LOXHD1: variants seen among roughly 807,000 people sequenced by gnomAD.
The protein encoded by LOXHD1 is lipoxygenase homology PLAT domains 1, also known as lipoxygenase homology domain-containing protein 1.
In LOXHD1, 205 loss-of-function variants were observed where a neutral mutation model predicts 248.2. The ratio of observed to expected loss-of-function variants is 0.83; its 90% CI spans 0.74 to 0.93. The LOEUF is 0.93. LOXHD1 is among the 40% of genes least tolerant of loss of function. The probability of loss-of-function intolerance (pLI) is 0.00; values close to 1 mark genes in which losing one functional copy is unlikely to be tolerated. For synonymous variants in LOXHD1, 1,113 were observed against 1,162.8 expected (o/e 0.96, Z 0.87); for missense variants, 2,930 against 2,971.6 (o/e 0.99, Z 0.33).
intron 6 of LOXHD1, among the ~76,000 whole-genome samples, chr18:46,608,713 C>T (rs1036215661): frequency 6.6e-6 from 1 of 152,230 alleles, no homozygotes; most frequent in African/African-American, 2.4e-5. Flanking sequence ...CACTTAGCCT[C>T]CTGGTACCCT....
chr18:46,506,793 C>T (rs986201430), intron 36 of LOXHD1, among the ~76,000 whole-genome samples: 2 of 152,126 alleles, frequency 1.3e-5, no homozygotes, highest in African/African-American at 2.4e-5. Flanking sequence ...TGTAAGCTAC[C>T]ATGGCCAACA....
chr18:46,516,680 T>A (rs1375044261), intron 34 of LOXHD1, among the ~76,000 whole-genome samples: 1 of 151,814 alleles, frequency 6.6e-6, no homozygotes. Flanking sequence ...ACAATTATCA[T>A]CCCTACCATC....
chr18:46,493,593 G>A (rs959258318), intron 37 of LOXHD1, among the ~76,000 whole-genome samples: 4 of 152,192 alleles, frequency 2.6e-5, no homozygotes, highest in African/African-American at 9.7e-5. Context: ...AAGAGTGGAT[G>A]GGAAAAAGAA....
chr18:46,515,846 G>A (rs926871049), intron 34 of LOXHD1, among the ~76,000 whole-genome samples: 8 of 152,274 alleles, frequency 5.3e-5, no homozygotes, highest in African/African-American at 1.4e-4. Flanking sequence ...GAATGGTCAG[G>A]ACTTGGGCAA....
chr18:46,556,313 T>C lies in LOXHD1; in HGVS notation c.3350+1043A>G, dbSNP rs534172224. The stretch of plus-strand genomic sequence containing the variant: ...AAAGAATGTACTAGAAGTTGCTTTA[T>C]ACGTTGAGAGGCTTATGGGTGAGCT... On this transcript the variant is annotated intron_variant, in intron 21 of 40. Transcript: ENST00000642948. Among the ~76,000 whole-genome samples, 4 of 152,226 alleles carry C rather than the reference T, an allele frequency of 2.6e-5. No individual in the cohort carries two copies. The East Asian group carries it at 5.8e-4, about 22-fold the overall frequency.
intron 5 of LOXHD1, among the ~76,000 whole-genome samples, chr18:46,615,431 G>T (rs1026530615): frequency 1.2e-4 from 19 of 152,024 alleles, no homozygotes; most frequent in Non-Finnish European, 1.3e-4. Context: ...TGGTGGTGGT[G>T]GTGATGATGA....
intron 8 of LOXHD1, among the ~76,000 whole-genome samples, chr18:46,597,209 A>G (rs992360948): frequency 6.6e-6 from 1 of 152,228 alleles, no homozygotes; most frequent in African/African-American, 2.4e-5. Context: ...TATCAATTAC[A>G]TTTAGGGTTT....
intron 1 of LOXHD1, among the ~76,000 whole-genome samples, chr18:46,653,197 A>G (rs752651251): frequency 6.6e-5 from 10 of 152,210 alleles, no homozygotes; most frequent in Admixed American, 2.0e-4. Context: ...CAGTGAGGCG[A>G]GATCACGCCA....
intron 7 of LOXHD1, among the ~76,000 whole-genome samples, chr18:46,602,217 T>C (rs980778699): frequency 1.3e-5 from 2 of 152,170 alleles, no homozygotes; most frequent in Non-Finnish European, 2.9e-5. Context: ...TTATTTTTTA[T>C]TTTTTTGAGA....
chr18:46,480,623 C>T (rs999852873), intron 40 of LOXHD1, among the ~76,000 whole-genome samples: 5 of 152,080 alleles, frequency 3.3e-5, no homozygotes, highest in African/African-American at 4.8e-5. Context: ...GGACACTCAG[C>T]GGGCTGCTCC....
intron 23 of LOXHD1, among the ~76,000 whole-genome samples, chr18:46,543,450 G>A (rs537465268): frequency 6.6e-6 from 1 of 151,720 alleles, no homozygotes; most frequent in East Asian, 1.9e-4. Flanking sequence ...TAAGTTCTGG[G>A]GTACACGTGC....
intron 4 of LOXHD1, among the ~76,000 whole-genome samples, chr18:46,619,675 T>C (rs2038640961): frequency 6.6e-6 from 1 of 152,144 alleles, no homozygotes. Context: ...GGAGAAAACT[T>C]AATTTCATCC....
At chr18:46,540,935 A>T (rs1322948942) in intron 25 of LOXHD1, among the ~76,000 whole-genome samples, 1 of 152,174 alleles carries the variant, frequency 6.6e-6, no homozygotes, top group African/African-American at 2.4e-5. Flanking sequence ...TTAGGCAAAA[A>T]TTTGTTCATC....
rs1272576323 is a variant in LOXHD1 at position 46,485,089 on chromosome 18, G to A, written c.6112C>T (p.Leu2038=). 1.4e-5 allele frequency: 22 copies of A among 1,550,380 alleles called. No individual in the cohort carries two copies. The highest frequency in any genetic ancestry group is 1.7e-5 in the Non-Finnish European group (20 of 1,146,728). ...TTGGATCGGTTCTTCCTGCCCTCCAGGATGAGCCAGACGTTCTCCCTGGTT... is the reference window on the plus strand; with the variant it reads ...TTGGATCGGTTCTTCCTGCCCTCCAAGATGAGCCAGACGTTCTCCCTGGTT... ...GETRENVWLI[L]EGRKNRSKEF... The change falls in exon 39 of 41, where the codon CTG becomes TTG. Residue 2038 remains leucine (L), a synonymous_variant. Coordinates refer to ENST00000642948, the MANE Select transcript of LOXHD1 (RefSeq NM_001384474.1).
intron 21 of LOXHD1, among the ~76,000 whole-genome samples, chr18:46,554,857 GA>G (rs1180726147): frequency 6.6e-6 from 1 of 152,144 alleles, no homozygotes; most frequent in African/African-American, 2.4e-5. Flanking sequence ...TGGATAAATG[GA>G]AAAGTGTACC....
chr18:46,606,475 TG>T (rs2038415097), intron 6 of LOXHD1, among the ~76,000 whole-genome samples: 1 of 152,134 alleles, frequency 6.6e-6, no homozygotes, highest in Non-Finnish European at 1.5e-5. Flanking sequence ...CCCTATATGA[TG>T]GGTTGCAGTC....
At chr18:46,517,776 C>T (rs545690254) in intron 34 of LOXHD1, among the ~76,000 whole-genome samples, 1 of 152,270 alleles carries the variant, frequency 6.6e-6, no homozygotes, top group Non-Finnish European at 1.5e-5. Context: ...CCTAGCTCTC[C>T]TTAATGTTAA....
intron 2 of LOXHD1, among the ~76,000 whole-genome samples, chr18:46,648,496 C>A (rs1237655714): frequency 6.6e-6 from 1 of 152,132 alleles, no homozygotes; most frequent in Non-Finnish European, 1.5e-5. Context: ...CTGAACAGAC[C>A]ACTCCTGAGG....
At chr18:46,599,479 A>G (rs1229095213) in intron 8 of LOXHD1, among the ~76,000 whole-genome samples, 1 of 152,276 alleles carries the variant, frequency 6.6e-6, no homozygotes, top group East Asian at 1.9e-4. Flanking sequence ...TAAATGGAAA[A>G]ATTAAAACAA....
Sources: allele counts gnomAD v4.1 joint callset (sites outside exome capture counted in the v4.1 genomes callset), GRCh38; gene constraint gnomAD v4.1.1; transcripts MANE v1.5; gene names NCBI Gene and HGNC (gene_info 2026-07-23, HGNC 2026-07-21).